GREB1L: variants seen among roughly 807,000 people sequenced by gnomAD.
GREB1L encodes GREB1-like protein.
In GREB1L, 17 loss-of-function variants were observed where a neutral mutation model predicts 200.8. That is an observed-to-expected ratio of 0.08 (90% confidence interval 0.06 to 0.13). The LOEUF is 0.13. Ranked by LOEUF, GREB1L falls within the 10% of genes least tolerant of loss-of-function variation. GREB1L has a pLI of 1.00. For missense variants in GREB1L, 1,657 were observed against 2,367.7 expected (o/e 0.70, Z 6.23); for synonymous variants, 789 against 893.0 (o/e 0.88, Z 2.08).
At chr18:21,344,534 G>A (rs929625502) in intron 1 of GREB1L, among the ~76,000 whole-genome samples, 6 of 152,214 alleles carry the variant, frequency 3.9e-5, no homozygotes, top group African/African-American at 1.2e-4. Flanking sequence ...TGATGCTCCT[G>A]CAAAGGTGTT....
chr18:21,251,735 A>T (rs1362234316), intron 1 of GREB1L, among the ~76,000 whole-genome samples: 2 of 152,206 alleles, frequency 1.3e-5, no homozygotes, highest in Non-Finnish European at 2.9e-5. Flanking sequence ...TCACAAGGTC[A>T]GGAGTACAAG....
At chr18:21,249,856 T>A (rs2037672276) in intron 1 of GREB1L, among the ~76,000 whole-genome samples, 1 of 149,308 alleles carries the variant, frequency 6.7e-6, no homozygotes, top group Non-Finnish European at 1.5e-5. Context: ...CAAAACTCTG[T>A]CTTTAAAAAA....
At chr18:21,288,910 G>A (rs2038401992) in intron 1 of GREB1L, among the ~76,000 whole-genome samples, 1 of 151,900 alleles carries the variant, frequency 6.6e-6, no homozygotes, top group Non-Finnish European at 1.5e-5. Context: ...GCTAATTTTT[G>A]TATTTTTAGT....
intron 1 of GREB1L, among the ~76,000 whole-genome samples, chr18:21,324,506 T>A (rs1275997830): frequency 6.6e-6 from 1 of 152,230 alleles, no homozygotes; most frequent in East Asian, 1.9e-4. Flanking sequence ...TTTGTTTTAA[T>A]CTTTATCATT....
At chr18:21,437,494 A>G (rs2033621515) in intron 7 of GREB1L, among the ~76,000 whole-genome samples, 1 of 152,152 alleles carries the variant, frequency 6.6e-6, no homozygotes. Flanking sequence ...CAATCTTAAT[A>G]TCATAAGAAG....
chr18:21,513,195 C>T (rs2037301667), intron 27 of GREB1L, among the ~76,000 whole-genome samples: 2 of 152,326 alleles, frequency 1.3e-5, no homozygotes, highest in East Asian at 3.9e-4. Flanking sequence ...GATTCAAAAT[C>T]AGACAGTTTG....
intron 11 of GREB1L, among the ~76,000 whole-genome samples, chr18:21,445,584 G>C (rs1020838905): frequency 2.6e-5 from 4 of 152,206 alleles, no homozygotes; most frequent in Non-Finnish European, 5.9e-5. Flanking sequence ...AAATACTTCA[G>C]TGTTAGGAGA....
chr18:21,288,807 G>A (rs952574344), intron 1 of GREB1L, among the ~76,000 whole-genome samples: 1 of 151,592 alleles, frequency 6.6e-6, no homozygotes, highest in Non-Finnish European at 1.5e-5. Context: ...GTGCGATTTC[G>A]GTGCACTGCA....
At chr18:21,307,332 C>T (rs957966406) in intron 1 of GREB1L, among the ~76,000 whole-genome samples, 4 of 152,188 alleles carry the variant, frequency 2.6e-5, no homozygotes, top group Non-Finnish European at 4.4e-5. Context: ...GGATTTGGGG[C>T]TGACCGACTT....
chr18:21,522,004 CA>C (rs59115973), intron 32 of GREB1L, among the ~76,000 whole-genome samples: 2 of 30,984 alleles, frequency 6.5e-5, no homozygotes, highest in South Asian at 2.1e-3. Context: ...ACTCCGTCTC[CA>C]AAAAAAAAAA....
intron 17 of GREB1L, among the ~76,000 whole-genome samples, chr18:21,479,005 C>T (rs926971865): frequency 6.6e-6 from 1 of 152,194 alleles, no homozygotes; most frequent in African/African-American, 2.4e-5. Flanking sequence ...CCTCAGCCTC[C>T]AGAGTAGCTG....
chr18:21,447,997 T>C (rs977580528), intron 11 of GREB1L, among the ~76,000 whole-genome samples: 4 of 151,932 alleles, frequency 2.6e-5, no homozygotes, highest in African/African-American at 9.7e-5. Context: ...ACCCCATCTC[T>C]ATCAAAAATA....
At chr18:21,277,737 A>G (rs1405648646) in intron 1 of GREB1L, among the ~76,000 whole-genome samples, 1 of 152,096 alleles carries the variant, frequency 6.6e-6, no homozygotes, top group East Asian at 1.9e-4. Flanking sequence ...TGCCATCCAC[A>G]CCATGCCGTG....
At chr18:21,308,861 A>G (rs1223583725) in intron 1 of GREB1L, among the ~76,000 whole-genome samples, 1 of 152,168 alleles carries the variant, frequency 6.6e-6, no homozygotes, top group Non-Finnish European at 1.5e-5. Context: ...CAGCTTGTTT[A>G]GTTGTGCCTG....
intron 1 of GREB1L, among the ~76,000 whole-genome samples, chr18:21,254,833 A>G (rs930738886): frequency 2.6e-5 from 4 of 152,170 alleles, no homozygotes; most frequent in African/African-American, 9.7e-5. Context: ...TGGAGTCAGA[A>G]AAAGGCTCTT....
chr18:21,503,257 A>G (rs2036872262), intron 23 of GREB1L, among the ~76,000 whole-genome samples: 4 of 151,940 alleles, frequency 2.6e-5, no homozygotes. Context: ...TCCAGGCTGG[A>G]GTGCAGTGGT....
chr18:21,361,057 A>G (rs908430147), intron 1 of GREB1L, among the ~76,000 whole-genome samples: 3 of 152,206 alleles, frequency 2.0e-5, no homozygotes, highest in Admixed American at 6.5e-5. Context: ...TCTGTGACCT[A>G]TGAAATCTCC....
intron 1 of GREB1L, among the ~76,000 whole-genome samples, chr18:21,296,579 T>A (rs528700706): frequency 1.2e-4 from 18 of 152,252 alleles, no homozygotes; most frequent in African/African-American, 3.8e-4. Context: ...TGGAAATTAT[T>A]TTTAAAAAAT....
intron 1 of GREB1L, among the ~76,000 whole-genome samples, chr18:21,246,666 T>G (rs2037608066): frequency 6.6e-6 from 1 of 152,206 alleles, no homozygotes; most frequent in Admixed American, 6.5e-5. Flanking sequence ...CCAATAGACT[T>G]TTTTCAAACT....
Sources: gnomAD v4.1 joint callset for allele counts (sites outside exome capture counted in the v4.1 genomes callset) on GRCh38, gnomAD v4.1.1 for gene constraint, MANE v1.5 for transcripts, NCBI Gene and HGNC (gene_info 2026-07-23, HGNC 2026-07-21) for gene names.